Variants in JMJD1C observed in about 807,000 individuals in gnomAD.
JMJD1C encodes the protein jumonji domain containing 1C, also known as jumonji domain-containing protein 1C.
A neutral mutation model predicts 245.3 loss-of-function variants in JMJD1C; 31 were observed. That is an observed-to-expected ratio of 0.13 (90% CI 0.09 to 0.17). The LOEUF (loss-of-function observed/expected upper bound fraction) is 0.17, where lower values mean the gene tolerates loss of function less well. Ranked by LOEUF, JMJD1C falls within the 10% of genes least tolerant of loss-of-function variation. The pLI is 1.00. For missense variants in JMJD1C, 2,691 were observed against 3,000.2 expected (o/e 0.90, Z 2.41); for synonymous variants, 1,057 against 1,017.4 (o/e 1.04, Z -0.74).
intron 2 of JMJD1C, among the ~76,000 whole-genome samples, chr10:63,362,235 TAAAAAAA>T (rs10637662): frequency 3.0e-5 from 4 of 131,192 alleles, no homozygotes; most frequent in Non-Finnish European, 6.4e-5. Context: ...ACTGCATCTC[TAAAAAAA>T]AAAAAAAAAA....
intron 2 of JMJD1C, among the ~76,000 whole-genome samples, chr10:63,345,128 T>C (rs766906108): frequency 8.5e-5 from 13 of 152,218 alleles, no homozygotes; most frequent in Admixed American, 2.0e-4. Flanking sequence ...AGAATGGGTA[T>C]CTGTTAGCGG....
rs146547798 is a variant in JMJD1C, at chr10:63,271,901, C to A, written c.334-7137G>T. Among the ~76,000 whole-genome samples the A allele has an allele frequency of 6.6e-4, 101 of 151,980 alleles. No individual in the cohort carries two copies. In the Middle Eastern group the frequency reaches 0.01, roughly 15 times the overall value. On this transcript the variant is annotated intron_variant, in intron 2 of 25. Transcript: ENST00000399262. ...ACCAGCCTGGCCATCATGGCAAACC[C>A]CGTTTGTACTAAAAATACAAAAATT...
In JMJD1C at chr10:63,189,317, C is replaced by T. The variant is rs758211591; in HGVS notation, c.6421G>A (p.Glu2141Lys). The change falls in exon 18 of 26, where the codon GAA becomes AAA. Residue 2141 changes from glutamate (E) to lysine (K), a missense_variant. By Grantham distance (56) the Glu-to-Lys change is moderately conservative. Coordinates refer to ENST00000399262, the MANE Select transcript of JMJD1C (RefSeq NM_032776.3). Reference protein sequence around the residue: ...VKPELKEEPEESIISAVDENN... With the variant: ...VKPELKEEPEKSIISAVDENN... ...TCATCCACTGCAGATATTATGCTTTCTTCAGGCTCTTCTTTAAGCTCTGGT... is the reference window on the plus strand; with the variant it reads ...TCATCCACTGCAGATATTATGCTTTTTTCAGGCTCTTCTTTAAGCTCTGGT... 8 of 1,613,706 alleles carry T rather than the reference C, an allele frequency of 5.0e-6. No homozygotes were observed. In the South Asian group the frequency reaches 8.8e-5, roughly 18 times the overall value.
At chr10:63,504,851 AC>A (rs888177409) in intron 1 of JMJD1C, among the ~76,000 whole-genome samples, 19 of 152,168 alleles carry the variant, frequency 1.2e-4, no homozygotes, top group Non-Finnish European at 4.4e-5. Context: ...CCCTGTCTCT[AC>A]AAAAAATAAA....
Position 63,205,092 on chromosome 10 carries a change from C to T in JMJD1C, c.5074+1503G>A, listed in dbSNP as rs1397151415. The T allele has an allele frequency of 3.5e-6, 3 of 853,414 alleles. No homozygotes were observed. The South Asian group carries it at 1.6e-4, about 46-fold the overall frequency. 52.9% of individuals were successfully genotyped at this position (853,414 alleles called of 1,614,324 possible). A position where few individuals can be genotyped will look rare whatever the true frequency, so the allele number is the denominator to read the frequency against. ...ACTAGAGTAAAATGATATAGAAACA[C>T]TTTATAGTGAATATTACTGTTAAGT... On this transcript the variant is annotated intron_variant, in intron 10 of 25. Coordinates refer to ENST00000399262, the MANE Select transcript of JMJD1C (RefSeq NM_032776.3).
At position 63,258,214 on chromosome 10, in the gene JMJD1C, T is replaced by G. The variant is rs1854223056; in HGVS notation, c.447+6437A>C. Among the ~76,000 whole-genome samples the G allele has an allele frequency of 2.0e-5, 3 of 152,348 alleles. No individual in the cohort carries two copies. The South Asian group carries it at 6.2e-4, about 32-fold the overall frequency. On this transcript the variant is annotated intron_variant, in intron 3 of 25. Coordinates refer to ENST00000399262, the MANE Select transcript of JMJD1C (RefSeq NM_032776.3). ...ATTTACAGTTGAGGAAACCATTTAT[T>G]CAGAGCAGCTGAGACTTTCCCAATG...
intron 1 of JMJD1C, among the ~76,000 whole-genome samples, chr10:63,449,165 A>G (rs1428175150): frequency 6.6e-6 from 1 of 152,184 alleles, no homozygotes; most frequent in Non-Finnish European, 1.5e-5. Flanking sequence ...ATTCTAATAT[A>G]TACTTGCTTT....
intron 10 of JMJD1C, chr10:63,204,108 G>T: frequency 2.2e-6 from 2 of 928,656 alleles, no homozygotes; most frequent in Non-Finnish European, 2.6e-6. Context: ...TCTGGGCAAT[G>T]TAGGGAGACT....
intron 2 of JMJD1C, among the ~76,000 whole-genome samples, chr10:63,286,391 G>T (rs959246980): frequency 6.6e-6 from 1 of 152,204 alleles, no homozygotes; most frequent in Non-Finnish European, 1.5e-5. Flanking sequence ...TTTAGGAACC[G>T]TTGCTTCAGC....
At chr10:63,258,273 G>C (rs908060593) in intron 3 of JMJD1C, among the ~76,000 whole-genome samples, 1 of 152,190 alleles carries the variant, frequency 6.6e-6, no homozygotes, top group Non-Finnish European at 1.5e-5. Context: ...GGTAAAATTT[G>C]AAACTAAGTT....
intron 1 of JMJD1C, among the ~76,000 whole-genome samples, chr10:63,504,795 C>A (rs758162601): frequency 4.6e-5 from 7 of 152,136 alleles, no homozygotes; most frequent in Non-Finnish European, 8.8e-5. Flanking sequence ...AATCCCAGCA[C>A]ACTTGAGGCC....
chr10:63,216,159 G>C (rs1378708089), intron 5 of JMJD1C, among the ~76,000 whole-genome samples: 1 of 152,104 alleles, frequency 6.6e-6, no homozygotes, highest in African/African-American at 2.4e-5. Flanking sequence ...TTTCTGAGAG[G>C]TAAAAGTTTG....
At chr10:63,263,978 A>ACACT (rs1855170432) in intron 3 of JMJD1C, among the ~76,000 whole-genome samples, 1 of 131,510 alleles carries the variant, frequency 7.6e-6, no homozygotes, top group Non-Finnish European at 1.6e-5. Flanking sequence ...ACACACACAC[A>ACACT]CACACACACA....
chr10:63,427,814 C>T, intron 1 of JMJD1C: 1 of 1,154,418 alleles, frequency 8.7e-7, no homozygotes, highest in Non-Finnish European at 1.3e-6. Context: ...AAATGCAAGG[C>T]CCCTTCTAAA....
chr10:63,224,265 T>C (rs1399417349), intron 3 of JMJD1C, among the ~76,000 whole-genome samples: 2 of 152,208 alleles, frequency 1.3e-5, no homozygotes, highest in African/African-American at 4.8e-5. Context: ...TTACTAATAT[T>C]TCCCTCTTTT....
chr10:63,450,967 C>T (rs1216318881), intron 1 of JMJD1C, among the ~76,000 whole-genome samples: 2 of 147,574 alleles, frequency 1.4e-5, no homozygotes, highest in African/African-American at 4.9e-5. Flanking sequence ...GGCAATGTTG[C>T]AGTATACAAA....
intron 1 of JMJD1C, among the ~76,000 whole-genome samples, chr10:63,446,904 G>A (rs1002545673): frequency 5.3e-5 from 8 of 152,086 alleles, no homozygotes; most frequent in African/African-American, 1.7e-4. Flanking sequence ...AGCCAAAGAA[G>A]CCAAAGATAG....
intron 1 of JMJD1C, among the ~76,000 whole-genome samples, chr10:63,516,175 C>T (rs1955012953): frequency 6.7e-6 from 1 of 148,176 alleles, no homozygotes; most frequent in South Asian, 2.1e-4. Context: ...CCATAAAATG[C>T]TGTCTTTATC....
At chr10:63,310,476 A>G (rs1390289603) in intron 2 of JMJD1C, among the ~76,000 whole-genome samples, 1 of 152,224 alleles carries the variant, frequency 6.6e-6, no homozygotes, top group Admixed American at 6.5e-5. Flanking sequence ...AGTCCTACTC[A>G]TTAAAAGAAG....
Sources: allele counts gnomAD v4.1 joint callset (sites outside exome capture counted in the v4.1 genomes callset), GRCh38; gene constraint gnomAD v4.1.1; transcripts MANE v1.5; gene names NCBI Gene and HGNC (gene_info 2026-07-23, HGNC 2026-07-21).